Variants in PRKN observed in about 807,000 individuals in gnomAD.
The protein encoded by PRKN is parkin RBR E3 ubiquitin protein ligase.
PRKN carries 56 observed loss-of-function variants against 59.5 expected under a neutral mutation model. The ratio of observed to expected loss-of-function variants is 0.94; its 90% CI spans 0.76 to 1.18. The LOEUF is 1.18. Among genes scored for constraint, PRKN ranks in the 50% most tolerant of loss-of-function variants. The pLI is 0.00. For missense variants in PRKN, 657 were observed against 596.4 expected (o/e 1.10, Z -1.06); for synonymous variants, 250 against 222.1 (o/e 1.13, Z -1.12).
intron 8 of PRKN, among the ~76,000 whole-genome samples, chr6:161,557,268 G>A (rs1439126980): frequency 6.6e-6 from 1 of 151,472 alleles, no homozygotes; most frequent in Non-Finnish European, 1.5e-5. Context: ...AGAACAAAAA[G>A]TATTCATTTT....
At chr6:161,989,491 C>T (rs1781561828) in intron 5 of PRKN, among the ~76,000 whole-genome samples, 1 of 152,148 alleles carries the variant, frequency 6.6e-6, no homozygotes, top group Non-Finnish European at 1.5e-5. Context: ...CTGCCCTGTC[C>T]TTGATGCCTG....
chr6:161,751,686 C>T (rs7760443), intron 7 of PRKN, among the ~76,000 whole-genome samples: 34,276 of 152,176 alleles, frequency 0.23, 4,338 homozygotes, highest in East Asian at 0.41. Context: ...GAGAATTCAG[C>T]TGTGAGCCAG....
At chr6:161,443,302 TCC>T (rs1171364442) in intron 9 of PRKN, among the ~76,000 whole-genome samples, 1 of 135,762 alleles carries the variant, frequency 7.4e-6, no homozygotes, top group Non-Finnish European at 1.5e-5. Context: ...AGAGCAAGAC[TCC>T]GTCTCAAAAA....
chr6:161,930,229 T>A (rs1294526878), intron 6 of PRKN, among the ~76,000 whole-genome samples: 2 of 152,182 alleles, frequency 1.3e-5, no homozygotes, highest in Non-Finnish European at 2.9e-5. Flanking sequence ...GGATGAATGA[T>A]TGCTACATTA....
intron 2 of PRKN, among the ~76,000 whole-genome samples, chr6:162,287,722 G>C (rs564988909): frequency 6.6e-6 from 1 of 152,106 alleles, no homozygotes; most frequent in African/African-American, 2.4e-5. Flanking sequence ...AGGATTAACT[G>C]GGAGGGTTAC....
chr6:161,884,518 A>G (rs1005915293), intron 6 of PRKN, among the ~76,000 whole-genome samples: 1 of 152,236 alleles, frequency 6.6e-6, no homozygotes, highest in Non-Finnish European at 1.5e-5. Flanking sequence ...CACTTTATGT[A>G]ACCTTAAAAT....
At chr6:162,234,707 T>C (rs76551986) in intron 3 of PRKN, among the ~76,000 whole-genome samples, 3,807 of 152,344 alleles carry the variant, frequency 0.025, 162 homozygotes, top group African/African-American at 0.087. Context: ...TTACTGCTTT[T>C]CCACCAAGTA....
intron 7 of PRKN, among the ~76,000 whole-genome samples, chr6:161,619,715 TC>T (rs1261089149): frequency 6.6e-6 from 1 of 152,152 alleles, no homozygotes; most frequent in Admixed American, 6.5e-5. Context: ...AACTGTACCC[TC>T]CAATATGGTA....
intron 4 of PRKN, among the ~76,000 whole-genome samples, chr6:162,088,252 C>T (rs1260888117): frequency 2.0e-5 from 3 of 152,166 alleles, no homozygotes; most frequent in Admixed American, 2.0e-4. Flanking sequence ...ATTCTTAGGG[C>T]ACCCTGATGA....
Position 161,703,835 on chromosome 6 carries a change from CTCTCTTTTTTTTTTTTTTT to C in PRKN, c.871+81918_871+81936del, listed in dbSNP as rs1376438696. On this transcript the variant is annotated intron_variant, in intron 7 of 11. Transcript: ENST00000366898. ...AGGACACACATCTCTCTCTCTCTCT[CTCTCTTTTTTTTTTTTTTT>C]TTTTTTTTTTTTTTTTTTTTTTACA... Among the ~76,000 whole-genome samples, 668 of 126,466 alleles carry C rather than the reference CTCTCTTTTTTTTTTTTTTT, an allele frequency of 5.3e-3. 39 individuals are homozygous for C. Among genetic ancestry groups the C allele is most frequent in the African/African-American group, 0.02 (635 of 31,328 alleles). The allele number at this position is 126,466 out of a possible 152,430, so 83.0% of individuals were successfully genotyped here. A position where few individuals can be genotyped will look rare whatever the true frequency, so the allele number is the denominator to read the frequency against.
chr6:161,637,875 T>G (rs1783586305), intron 7 of PRKN, among the ~76,000 whole-genome samples: 1 of 152,116 alleles, frequency 6.6e-6, no homozygotes, highest in Admixed American at 6.5e-5. Context: ...GGTGGCCCAA[T>G]CCAAGGTGAC....
intron 7 of PRKN, among the ~76,000 whole-genome samples, chr6:161,721,468 C>T (rs6909190): frequency 0.052 from 7,944 of 152,158 alleles, 730 homozygotes; most frequent in African/African-American, 0.18. Context: ...AACGGAGATG[C>T]CAGATCTACA....
chr6:162,419,712 T>C lies in PRKN; in HGVS notation c.171+23598A>G, dbSNP rs573353728. Among the ~76,000 whole-genome samples, 7 of 152,106 alleles carry C rather than the reference T, an allele frequency of 4.6e-5. No homozygotes were observed. The South Asian group carries it at 1.5e-3, about 32-fold the overall frequency. On this transcript the variant is annotated intron_variant, in intron 2 of 11. Coordinates refer to ENST00000366898, the MANE Select transcript of PRKN (RefSeq NM_004562.3). ...CTTTTTGGTATTTGAAATATTCTCA[T>C]ATAAACATCCATGACCTATAATGAC...
At chr6:161,671,793 A>G (rs1007465413) in intron 7 of PRKN, among the ~76,000 whole-genome samples, 3 of 152,166 alleles carry the variant, frequency 2.0e-5, no homozygotes, top group Admixed American at 6.5e-5. Flanking sequence ...AGAATAAACA[A>G]CGCTGTGTTC....
At chr6:162,113,118 A>G (rs1780512471) in intron 4 of PRKN, among the ~76,000 whole-genome samples, 2 of 152,208 alleles carry the variant, frequency 1.3e-5, no homozygotes, top group South Asian at 4.1e-4. Flanking sequence ...ACATCCTCCT[A>G]TAAAAGGATG....
intron 1 of PRKN, among the ~76,000 whole-genome samples, chr6:162,725,771 GA>G (rs34045483): frequency 0.44 from 57,845 of 130,380 alleles, 11,778 homozygotes; most frequent in East Asian, 0.67. Context: ...TCAAAAAGAG[GA>G]AAAAAAAAAA....
At chr6:161,717,201 G>A (rs1364349938) in intron 7 of PRKN, among the ~76,000 whole-genome samples, 1 of 152,194 alleles carries the variant, frequency 6.6e-6, no homozygotes, top group Non-Finnish European at 1.5e-5. Flanking sequence ...TTCTAGACTG[G>A]GAAGTCCAAC....
At chr6:162,721,933 C>T (rs1778954532) in intron 1 of PRKN, among the ~76,000 whole-genome samples, 1 of 152,142 alleles carries the variant, frequency 6.6e-6, no homozygotes, top group South Asian at 2.1e-4. Flanking sequence ...CAACGAGAAT[C>T]AAATGAACAA....
At chr6:162,042,887 T>C (rs1310542490) in intron 5 of PRKN, among the ~76,000 whole-genome samples, 1 of 152,210 alleles carries the variant, frequency 6.6e-6, no homozygotes, top group Non-Finnish European at 1.5e-5. Flanking sequence ...TTAAAATAGT[T>C]CATTTTTATA....
Sources: gnomAD v4.1 joint callset for allele counts (sites outside exome capture counted in the v4.1 genomes callset) on GRCh38, gnomAD v4.1.1 for gene constraint, MANE v1.5 for transcripts, NCBI Gene and HGNC (gene_info 2026-07-23, HGNC 2026-07-21) for gene names.